PRKCQ: variants seen among roughly 807,000 people sequenced by gnomAD.
PRKCQ encodes protein kinase C theta.
Under a neutral mutation model 91.2 loss-of-function variants are expected in PRKCQ, and 41 were observed. The ratio of observed to expected loss-of-function variants is 0.45; its 90% CI spans 0.35 to 0.58. PRKCQ has a LOEUF of 0.58. Ranked by LOEUF, PRKCQ falls within the 20% of genes least tolerant of loss-of-function variation. The pLI, the probability that PRKCQ is intolerant of heterozygous loss-of-function variation, is 0.00. For missense variants in PRKCQ, 673 were observed against 896.5 expected (o/e 0.75, Z 3.18); for synonymous variants, 307 against 316.9 (o/e 0.97, Z 0.33).
chr10:6,493,382 T>G (rs1837425518), intron 7 of PRKCQ, among the ~76,000 whole-genome samples: 1 of 152,232 alleles, frequency 6.6e-6, no homozygotes, highest in Non-Finnish European at 1.5e-5. Context: ...TTTCACCCAT[T>G]GCTTTTTCCT....
chr10:6,529,811 T>C (rs1185958267), intron 1 of PRKCQ, among the ~76,000 whole-genome samples: 4 of 152,228 alleles, frequency 2.6e-5, no homozygotes, highest in East Asian at 1.9e-4. Context: ...ATTGGGTCTA[T>C]GTCTGTGTTG....
intron 16 of PRKCQ, among the ~76,000 whole-genome samples, chr10:6,440,270 C>T (rs1223862400): frequency 6.6e-6 from 1 of 152,192 alleles, no homozygotes; most frequent in Non-Finnish European, 1.5e-5. Context: ...CTGCCCAAGA[C>T]AATCTGCTGG....
chr10:6,482,614 AGTAT>A (rs1436510413), intron 11 of PRKCQ, among the ~76,000 whole-genome samples: 1 of 152,172 alleles, frequency 6.6e-6, no homozygotes, highest in Non-Finnish European at 1.5e-5. Context: ...TAAGCCAGCC[AGTAT>A]GTGAGATTTT....
intron 3 of PRKCQ, 102 bp downstream of exon 3, chr10:6,510,893 G>T: frequency 7.2e-7 from 1 of 1,384,116 alleles, no homozygotes; most frequent in Non-Finnish European, 1.0e-6. Context: ...GGTGACCCGA[G>T]GCCAGTGTAA....
intron 1 of PRKCQ, among the ~76,000 whole-genome samples, chr10:6,570,678 C>T (rs1841010285): frequency 2.0e-5 from 3 of 151,992 alleles, no homozygotes; most frequent in Admixed American, 6.5e-5. Flanking sequence ...CCTCAGCCTC[C>T]CGAGTAGCTG....
At chr10:6,535,470 AT>A (rs201559667) in intron 1 of PRKCQ, among the ~76,000 whole-genome samples, 2,054 of 151,412 alleles carry the variant, frequency 0.014, 41 homozygotes, top group African/African-American at 0.048. Context: ...GTATTAATAC[AT>A]TTTTTTTTCA....
At chr10:6,572,090 C>T (rs934432499) in intron 1 of PRKCQ, among the ~76,000 whole-genome samples, 3 of 152,172 alleles carry the variant, frequency 2.0e-5, no homozygotes, top group Non-Finnish European at 2.9e-5. Context: ...CTGATTCCCG[C>T]GATCCAGGCC....
chr10:6,442,407 GA>G (rs1403650909), intron 15 of PRKCQ, among the ~76,000 whole-genome samples: 8 of 152,216 alleles, frequency 5.3e-5, no homozygotes, highest in Non-Finnish European at 1.2e-4. Flanking sequence ...TTGGACCTAA[GA>G]AAGCTGGTAT....
chr10:6,427,896 T>C lies in PRKCQ; in HGVS notation c.*311A>G. On this transcript the variant is annotated 3_prime_UTR_variant, in exon 18 of 18. Coordinates refer to ENST00000263125, the MANE Select transcript of PRKCQ (RefSeq NM_006257.5). ...CGCCCAGGTGAAGAGCCATAATTTATTGCAGTATCAAGTCTTGAAACCTTT... is the reference window on the plus strand; with the variant it reads ...CGCCCAGGTGAAGAGCCATAATTTACTGCAGTATCAAGTCTTGAAACCTTT... 3.2e-6 allele frequency: 1 copy of C among 310,836 alleles called. No individual in the cohort carries two copies. Among genetic ancestry groups the C allele is most frequent in the South Asian group, 3.4e-5 (1 of 29,632 alleles). The allele number at this position is 310,836 out of a possible 1,614,324, so 19.3% of individuals were successfully genotyped here.
At chr10:6,556,433 GGAAAAAAA>G (rs1350269453) in intron 1 of PRKCQ, among the ~76,000 whole-genome samples, 8 of 93,448 alleles carry the variant, frequency 8.6e-5, no homozygotes, top group Middle Eastern at 0.011. Flanking sequence ...CCCTGTCTTG[GGAAAAAAA>G]AAAAAAAAAA....
chr10:6,471,561 G>A (rs1465833523), intron 12 of PRKCQ, among the ~76,000 whole-genome samples: 1 of 151,832 alleles, frequency 6.6e-6, no homozygotes, highest in Non-Finnish European at 1.5e-5. Flanking sequence ...TGGCCAACAT[G>A]GTGAAACCCC....
chr10:6,478,044 A>G (rs1405132162), intron 12 of PRKCQ, among the ~76,000 whole-genome samples: 1 of 152,248 alleles, frequency 6.6e-6, no homozygotes, highest in African/African-American at 2.4e-5. Context: ...AAGAAGAATC[A>G]TAATGCATGT....
chr10:6,424,483 G>T (rs1469312003), downstream of PRKCQ, among the ~76,000 whole-genome samples: 1 of 152,146 alleles, frequency 6.6e-6, no homozygotes, highest in Non-Finnish European at 1.5e-5. Context: ...CTTCCCCGAA[G>T]TTGGGAAAGG....
Position 6,485,200 on chromosome 10 carries a change from T to A in PRKCQ, c.970A>T (p.Ile324Phe). The change falls in exon 10 of 18, where the codon ATC (isoleucine) becomes TTC (phenylalanine). Residue 324 changes from isoleucine to phenylalanine, a missense_variant. By Grantham distance (21) the Ile-to-Phe change is conservative. Transcript: ENST00000263125. The part of the protein sequence containing the change: ...GPVEIGLPCS[I>F]KNEARPPCLP... The stretch of plus-strand genomic sequence containing the variant: ...CATGGCGGCCTTGCTTCATTTTTGA[T>A]GGAGCATGGGAGACCAATTTCAACC... The A allele has an allele frequency of 6.2e-7, 1 of 1,614,090 alleles. No individual in the cohort carries two copies. The highest frequency in any genetic ancestry group is 8.5e-7 in the Non-Finnish European group (1 of 1,179,980).
chr10:6,462,185 G>C (rs1055240155), intron 14 of PRKCQ, 118 bp downstream of exon 14: 3 of 879,414 alleles, frequency 3.4e-6, no homozygotes, highest in Non-Finnish European at 5.5e-6. Context: ...AGACCTATGT[G>C]TGGAGCTTAC....
In PRKCQ at chr10:6,427,639, CA is replaced by C; in HGVS notation, c.*567del. ...TCAGGATGAATGGATTTGTAGATCT[CA>C]AGTTACAAGCTATGTTTATTGTAAA... is the stretch of plus-strand genomic sequence containing the variant. On this transcript the variant is annotated 3_prime_UTR_variant, in exon 18 of 18. Coordinates refer to ENST00000263125, the MANE Select transcript of PRKCQ (RefSeq NM_006257.5). 1.3e-5 allele frequency: 2 copies of C among 152,938 alleles called. No homozygotes were observed. Among genetic ancestry groups the C allele is most frequent in the Admixed American group, 6.5e-5 (1 of 15,412 alleles). 9.5% of individuals were successfully genotyped at this position (152,938 alleles called of 1,614,324 possible).
At chr10:6,482,738 G>C (rs567802460) in intron 11 of PRKCQ, among the ~76,000 whole-genome samples, 3 of 152,160 alleles carry the variant, frequency 2.0e-5, no homozygotes, top group Non-Finnish European at 4.4e-5. Context: ...ACACAGCTGG[G>C]GAGGCCTCGC....
chr10:6,403,499 G>A, the PRKCQ span, among the ~76,000 whole-genome samples: 4 of 152,146 alleles, frequency 2.6e-5, no homozygotes, highest in Admixed American at 2.6e-4. Context: ...TCCCTGAACC[G>A]TGAGTTCCCG....
At chr10:6,408,761 T>A in the PRKCQ span, among the ~76,000 whole-genome samples, 10 of 152,238 alleles carry the variant, frequency 6.6e-5, no homozygotes, top group Non-Finnish European at 1.3e-4. Flanking sequence ...TATTAACTCA[T>A]TGGAAGATGC....
Sources: gnomAD v4.1 joint callset for allele counts (sites outside exome capture counted in the v4.1 genomes callset) on GRCh38, gnomAD v4.1.1 for gene constraint, MANE v1.5 for transcripts, NCBI Gene and HGNC (gene_info 2026-07-23, HGNC 2026-07-21) for gene names.